Variants in RSPO2 observed in about 807,000 individuals in gnomAD.
RSPO2 encodes R-spondin 2.
A neutral mutation model predicts 30.9 loss-of-function variants in RSPO2; 14 were observed. That is an observed-to-expected ratio of 0.45 (90% CI 0.30 to 0.71). The LOEUF (loss-of-function observed/expected upper bound fraction) is 0.71, where lower values mean the gene tolerates loss of function less well. RSPO2 is among the 30% of genes least tolerant of loss of function. The pLI is 0.08. For missense variants in RSPO2, 264 were observed against 301.9 expected, an observed-to-expected ratio of 0.87 and a Z score of 0.93; for synonymous variants, 107 against 96.4, an observed-to-expected ratio of 1.11 and a Z score of -0.64.
At chr8:108,004,165 A>G (rs1009190008) in intron 2 of RSPO2, among the ~76,000 whole-genome samples, 3 of 152,214 alleles carry the variant, frequency 2.0e-5, no homozygotes, top group Non-Finnish European at 4.4e-5. Context: ...TGATCCATCA[A>G]AAAGGATAAT....
chr8:108,064,978 A>G (rs1812611811), intron 2 of RSPO2, among the ~76,000 whole-genome samples: 1 of 151,746 alleles, frequency 6.6e-6, no homozygotes, highest in Non-Finnish European at 1.5e-5. Context: ...CAATTAGAAC[A>G]CTTGGACACA....
chr8:107,953,085 G>A (rs1813307331), intron 5 of RSPO2, among the ~76,000 whole-genome samples: 1 of 152,140 alleles, frequency 6.6e-6, no homozygotes. Flanking sequence ...AGCTATCCCA[G>A]TATATGACAA....
chr8:108,011,217 AAAAGGAAAAGGG>A (rs1248635570), intron 2 of RSPO2, among the ~76,000 whole-genome samples: 1 of 141,914 alleles, frequency 7.0e-6, no homozygotes, highest in Admixed American at 6.8e-5. Context: ...AAAGGAAAGG[AAAAGGAAAAGGG>A]AAAGGAAAAG....
intron 2 of RSPO2, among the ~76,000 whole-genome samples, chr8:108,061,331 T>A (rs1405547911): frequency 2.0e-5 from 3 of 151,430 alleles, no homozygotes; most frequent in Admixed American, 2.0e-4. Context: ...AATAAAGGGA[T>A]GGAGGAAGAT....
At chr8:107,987,563 G>T (rs28481410) in intron 3 of RSPO2, among the ~76,000 whole-genome samples, 6,785 of 152,252 alleles carry the variant, frequency 0.045, 276 homozygotes, top group African/African-American at 0.11. Context: ...TAACAGTAGT[G>T]AAGACACAAA....
At chr8:107,909,749 A>G (rs766700765) in intron 5 of RSPO2, among the ~76,000 whole-genome samples, 1 of 152,106 alleles carries the variant, frequency 6.6e-6, no homozygotes, top group Non-Finnish European at 1.5e-5. Context: ...TGTAACTTAG[A>G]TTTTCTGTAA....
intron 2 of RSPO2, among the ~76,000 whole-genome samples, chr8:108,024,181 G>A (rs561270901): frequency 1.1e-4 from 16 of 152,052 alleles, no homozygotes; most frequent in East Asian, 7.7e-4. Context: ...TCTCTCCAAC[G>A]ACAACTTAAA....
At chr8:107,922,452 A>C (rs1812204235) in intron 5 of RSPO2, among the ~76,000 whole-genome samples, 2 of 152,184 alleles carry the variant, frequency 1.3e-5, no homozygotes, top group East Asian at 3.8e-4. Flanking sequence ...AAACAAATAG[A>C]AAAATATTCC....
chr8:107,992,569 AAAGG>A (rs1814883137), intron 2 of RSPO2, among the ~76,000 whole-genome samples: 1 of 152,220 alleles, frequency 6.6e-6, no homozygotes, highest in Non-Finnish European at 1.5e-5. Context: ...ATATGTTAAA[AAAGG>A]AATAAAACAC....
rs573500690 is a variant in RSPO2 at position 108,015,173 on chromosome 8, A to C, written c.95-25929T>G. On this transcript the variant is annotated intron_variant, in intron 2 of 5. Transcript: ENST00000276659. ...TGGTGATAAAGTATTTTAGACATAAAGTTATATCACATTCTTGTGATGTAT... is the reference window on the plus strand; with the variant it reads ...TGGTGATAAAGTATTTTAGACATAACGTTATATCACATTCTTGTGATGTAT... Among the ~76,000 whole-genome samples the C allele has an allele frequency of 6.6e-5, 10 of 152,320 alleles. No homozygotes were observed. The East Asian group carries it at 1.9e-3, about 29-fold the overall frequency.
intron 3 of RSPO2, 122 bp from the exon 4 acceptor site, chr8:107,960,939 T>C (rs1813608032): frequency 2.8e-6 from 2 of 704,752 alleles, no homozygotes; most frequent in Non-Finnish European, 2.3e-6. Flanking sequence ...CAGAGAAATA[T>C]TGTTTAACTC....
At chr8:107,963,134 GAATATA>G (rs572899538) in intron 3 of RSPO2, among the ~76,000 whole-genome samples, 176 of 151,168 alleles carry the variant, frequency 1.2e-3, no homozygotes, top group African/African-American at 3.8e-3. Flanking sequence ...AATTCAAGTA[GAATATA>G]AATATGATAT....
At chr8:107,918,487 A>G (rs886713571) in intron 5 of RSPO2, among the ~76,000 whole-genome samples, 1 of 152,112 alleles carries the variant, frequency 6.6e-6, no homozygotes, top group Non-Finnish European at 1.5e-5. Flanking sequence ...CTGGCCTCAT[A>G]TCTTGTCTGT....
chr8:107,913,122 A>G (rs2130280250), intron 5 of RSPO2, among the ~76,000 whole-genome samples: 1 of 152,330 alleles, frequency 6.6e-6, no homozygotes. Context: ...TCTGAGGATC[A>G]GAGAGGTAAA....
intron 5 of RSPO2, among the ~76,000 whole-genome samples, chr8:107,934,982 G>A (rs563985009): frequency 6.6e-6 from 1 of 152,282 alleles, no homozygotes; most frequent in East Asian, 1.9e-4. Context: ...CAAATTGTTT[G>A]TAGAGCATGT....
chr8:108,030,986 G>A (rs1470488521), intron 2 of RSPO2, among the ~76,000 whole-genome samples: 1 of 152,046 alleles, frequency 6.6e-6, no homozygotes, highest in East Asian at 1.9e-4. Flanking sequence ...TTATACTACT[G>A]GATTAATATT....
intron 2 of RSPO2, among the ~76,000 whole-genome samples, chr8:108,000,533 T>TG (rs1269683127): frequency 2.7e-5 from 4 of 150,678 alleles, no homozygotes; most frequent in South Asian, 2.1e-4. Flanking sequence ...GAGAGTTTTG[T>TG]GTTTTTTTTT....
intron 5 of RSPO2, among the ~76,000 whole-genome samples, chr8:107,927,801 G>T (rs1320876226): frequency 6.6e-6 from 1 of 150,550 alleles, no homozygotes; most frequent in Non-Finnish European, 1.5e-5. Context: ...CGGTTTTCCA[G>T]TATTTTATTG....
At chr8:108,052,825 T>G (rs1227515299) in intron 2 of RSPO2, among the ~76,000 whole-genome samples, 2 of 152,194 alleles carry the variant, frequency 1.3e-5, no homozygotes, top group African/African-American at 4.8e-5. Flanking sequence ...TTTAAATCAG[T>G]GTGAACATCT....
Sources: allele counts gnomAD v4.1 joint callset (sites outside exome capture counted in the v4.1 genomes callset), GRCh38; gene constraint gnomAD v4.1.1; transcripts MANE v1.5; gene names NCBI Gene and HGNC (gene_info 2026-07-23, HGNC 2026-07-21).